Variants in ADGRD1 observed in about 807,000 individuals in gnomAD.
The protein encoded by ADGRD1 is G-protein coupled receptor 133.
A neutral mutation model predicts 113.4 loss-of-function variants in ADGRD1; 77 were observed. The observed-to-expected ratio is 0.68, with a 90% CI of 0.57 to 0.82. The LOEUF is 0.82. Ranked by LOEUF, ADGRD1 falls within the 40% of genes least tolerant of loss-of-function variation. ADGRD1 has a pLI of 0.00. For missense variants in ADGRD1, 1,036 were observed against 1,139.1 expected, an observed-to-expected ratio of 0.91 and a Z score of 1.30; for synonymous variants, 474 against 475.0, an observed-to-expected ratio of 1.00 and a Z score of 0.03.
rs545464557 is a variant in ADGRD1, at chr12:131,083,223, G to A, written c.1548-1317G>A. Among the ~76,000 whole-genome samples the A allele has an allele frequency of 3.3e-5, 5 of 152,264 alleles. No individual in the cohort carries two copies. In the South Asian group the frequency reaches 8.3e-4, roughly 25 times the overall value. ...TTTCCCCCAAGGGCCATTGCCTTTG[G>A]CTGAAGTAAGGATTTGTCTTTACTG... On this transcript the variant is annotated intron_variant, in intron 14 of 24. Transcript: ENST00000261654.
chr12:131,119,645 G>A (rs1407562093), intron 19 of ADGRD1, among the ~76,000 whole-genome samples: 1 of 152,198 alleles, frequency 6.6e-6, no homozygotes, highest in Admixed American at 6.5e-5. Flanking sequence ...GCCCCTCGTC[G>A]ACTTAAAATT....
In ADGRD1 at chr12:130,954,663, AAG is replaced by A. The variant is rs1295355535; in HGVS notation, c.103+6_103+7del. On this transcript the variant is annotated splice_donor_5th_base_variant and intron_variant, in intron 2 of 24. Transcript: ENST00000261654. This position sits in a 1 kb window ranked among gnomAD's most constrained non-coding sequence, Gnocchi z 4.7. ...CTCCAGATCGCAGGACCATCCAGGT[AAG>A]AGTGTTTCCTTCTCACTCTGAGCAC... 6.2e-7 allele frequency: 1 copy of A among 1,612,650 alleles called. No homozygotes were observed. The highest frequency in any genetic ancestry group is 8.5e-7 in the Non-Finnish European group (1 of 1,179,684).
intron 20 of ADGRD1, among the ~76,000 whole-genome samples, chr12:131,121,463 C>A (rs937920241): frequency 6.6e-6 from 1 of 152,170 alleles, no homozygotes; most frequent in African/African-American, 2.4e-5. Context: ...TCACTGCAAC[C>A]TCTGCCTCCT....
In ADGRD1 at chr12:130,984,090, T is replaced by C. The variant is rs1464259144; in HGVS notation, c.490+2027T>C. On this transcript the variant is annotated intron_variant, in intron 5 of 24. Transcript: ENST00000261654. The surrounding 1 kb of genome is among the most constrained non-coding windows in gnomAD (Gnocchi z 4.1). ...CGCCCTCGCTTAGAGCACAGGCTGATGCCAATGGCCTGTGGGCTGAGTTGG... is the reference window on the plus strand; with the variant it reads ...CGCCCTCGCTTAGAGCACAGGCTGACGCCAATGGCCTGTGGGCTGAGTTGG... Among the ~76,000 whole-genome samples the C allele has an allele frequency of 6.6e-6, 1 of 152,256 alleles. No homozygotes were observed. Among genetic ancestry groups the C allele is most frequent in the Non-Finnish European group, 1.5e-5 (1 of 68,040 alleles).
chr12:131,031,478 G>A (rs1202352568), intron 13 of ADGRD1, among the ~76,000 whole-genome samples: 1 of 152,078 alleles, frequency 6.6e-6, no homozygotes, highest in Non-Finnish European at 1.5e-5. Flanking sequence ...TCACCCATGC[G>A]GTTCTGTCGA....
chr12:131,092,640 C>G (rs566301373), intron 15 of ADGRD1, among the ~76,000 whole-genome samples: 1 of 152,242 alleles, frequency 6.6e-6, no homozygotes, highest in Admixed American at 6.5e-5. Flanking sequence ...TGGCTCTGAC[C>G]TGGGGGGTGC....
At chr12:131,035,130 G>A (rs77342823) in intron 13 of ADGRD1, 2,995 of 153,076 alleles carry the variant, frequency 0.02, 95 homozygotes, top group African/African-American at 0.068. Context: ...CCTCACCTCC[G>A]GGCCTTTGTA....
chr12:130,990,950 G>C, intron 6 of ADGRD1, 64 bp from the exon 7 acceptor site: 1 of 1,267,498 alleles, frequency 7.9e-7, no homozygotes. Context: ...AACAAGGACA[G>C]GTCTTCCTCG....
At chr12:130,996,980 C>T (rs1209359680) in intron 8 of ADGRD1, among the ~76,000 whole-genome samples, 1 of 136,952 alleles carries the variant, frequency 7.3e-6, no homozygotes, top group Non-Finnish European at 1.6e-5. Context: ...CAACCTCCCT[C>T]CCGGATGGGG....
At chr12:131,130,162 A>G (rs1176593867) in intron 20 of ADGRD1, among the ~76,000 whole-genome samples, 5 of 152,208 alleles carry the variant, frequency 3.3e-5, no homozygotes, top group African/African-American at 2.4e-5. Flanking sequence ...GTTTCTGGAC[A>G]TGCTCTTTGT....
In ADGRD1 at chr12:131,047,380, G is replaced by C. The variant is rs548660895; in HGVS notation, c.1474-29421G>C. Among the ~76,000 whole-genome samples, 34 of 152,326 alleles carry C rather than the reference G, an allele frequency of 2.2e-4. 1 individual carries two copies. The East Asian group carries it at 5.0e-3, about 22-fold the overall frequency. ...CGCACCTGGAGCCTGGACAATGGGG[G>C]GACAGCTCTGAAGGGCAGATGGGTG... On this transcript the variant is annotated intron_variant, in intron 13 of 24. Transcript: ENST00000261654.
rs1885541830 is a variant in ADGRD1 at position 131,075,625 on chromosome 12, C to T, written c.1474-1176C>T. 6.6e-6 allele frequency among the ~76,000 whole-genome samples: 1 copy of T among 152,184 alleles called. No homozygotes were observed. Among genetic ancestry groups the T allele is most frequent in the African/African-American group, 2.4e-5 (1 of 41,436 alleles). ...GGCTGGAGGAGCTGTCAGACAGATG[C>T]TGCGATGATAGCCCTGTGAGTCCTT... On this transcript the variant is annotated intron_variant, in intron 13 of 24. Transcript: ENST00000261654. The surrounding 1 kb of genome is among the most constrained non-coding windows in gnomAD (Gnocchi z 5.3).
rs1950380323 is a variant in ADGRD1 at position 131,113,045 on chromosome 12, A to G, written c.2041+4168A>G. On this transcript the variant is annotated intron_variant, in intron 18 of 24. Coordinates refer to ENST00000261654, the MANE Select transcript of ADGRD1 (RefSeq NM_198827.5). This position sits in a 1 kb window ranked among gnomAD's most constrained non-coding sequence, Gnocchi z 4.9. ...GCCTGGGGAGATACCGTAGCCCTGG[A>G]CTGGGAGCTGGAGGGAGTGGAGCCC... is the stretch of plus-strand genomic sequence containing the variant. Among the ~76,000 whole-genome samples, 1 of 152,140 alleles carries G rather than the reference A, an allele frequency of 6.6e-6. No homozygotes were observed. Among genetic ancestry groups the G allele is most frequent in the Non-Finnish European group, 1.5e-5 (1 of 68,014 alleles).
chr12:131,076,063 C>T (rs1438750136), intron 13 of ADGRD1, among the ~76,000 whole-genome samples: 1 of 152,172 alleles, frequency 6.6e-6, no homozygotes, highest in East Asian at 1.9e-4. Flanking sequence ...CTGCAGAGTC[C>T]TCCGAGCTGG....
chr12:130,967,191 C>T (rs1380933174), intron 3 of ADGRD1: 13 of 375,396 alleles, frequency 3.5e-5, no homozygotes, highest in East Asian at 1.5e-4. Context: ...GAAGGGCCCC[C>T]GTTTCATTCA....
rs1445127065 is a variant in ADGRD1 at position 131,027,647 on chromosome 12, T to C, written c.1473+13307T>C. The C allele has an allele frequency of 2.0e-5, 3 of 152,204 alleles. No homozygotes were observed. The highest frequency in any genetic ancestry group is 4.1e-4 in the South Asian group (2 of 4,826). 9.4% of individuals were successfully genotyped at this position (152,204 alleles called of 1,614,324 possible). ...TTAATCCAGATCTGTGTTTATTTAC[T>C]GAGGGGAGCAGGTAGAATTGTAGAG... On this transcript the variant is annotated intron_variant, in intron 13 of 24. Transcript: ENST00000261654. This position sits in a 1 kb window ranked among gnomAD's most constrained non-coding sequence, Gnocchi z 5.1.
Position 130,992,292 on chromosome 12 carries a change from C to T in ADGRD1, c.866C>T (p.Thr289Ile), listed in dbSNP as rs1194887384. The T allele has an allele frequency of 6.2e-7, 1 of 1,613,554 alleles. No homozygotes were observed. Among genetic ancestry groups the T allele is most frequent in the Non-Finnish European group, 8.5e-7 (1 of 1,179,588 alleles). ...IITNLTEERK[T>I]FQSPGVILSY... The stretch of plus-strand genomic sequence containing the variant: ...ACCAACCTGACAGAAGAGAGAAAAA[C>T]CTTCCAAAGTCCCGGAGTGATACTG... The change falls in exon 8 of 25, where the codon ACC becomes ATC. Residue 289 changes from threonine (T) to isoleucine (I), a missense_variant. Thr to Ile is a moderately conservative substitution (Grantham distance 89). Transcript: ENST00000261654.
At chr12:131,093,618 A>G (rs1887061120) in intron 15 of ADGRD1, among the ~76,000 whole-genome samples, 1 of 152,100 alleles carries the variant, frequency 6.6e-6, no homozygotes, top group Non-Finnish European at 1.5e-5. Context: ...CACAGGCGGG[A>G]CTGTGCCAAC....
chr12:131,122,581 A>G (rs530978508), intron 20 of ADGRD1, among the ~76,000 whole-genome samples: 3 of 152,358 alleles, frequency 2.0e-5, no homozygotes, highest in East Asian at 1.9e-4. Flanking sequence ...CCAGTCATCA[A>G]ACTCCTGGCC....
Sources: allele counts gnomAD v4.1 joint callset (sites outside exome capture counted in the v4.1 genomes callset), GRCh38; gene constraint gnomAD v4.1.1; non-coding constraint Gnocchi (gnomAD v3.1); transcripts MANE v1.5; gene names NCBI Gene and HGNC (gene_info 2026-07-23, HGNC 2026-07-21).